Variants in NCKAP5 observed in about 807,000 individuals in gnomAD.
NCKAP5 encodes nck-associated protein 5.
In NCKAP5, 92 loss-of-function variants were observed where a neutral mutation model predicts 167.0. The observed-to-expected ratio is 0.55, with a 90% CI of 0.47 to 0.66. NCKAP5 has a LOEUF of 0.66. NCKAP5 is among the 30% of genes least tolerant of loss of function. The pLI, the probability that NCKAP5 is intolerant of heterozygous loss-of-function variation, is 0.00. For synonymous variants in NCKAP5, 891 were observed against 877.4 expected (o/e 1.02, Z -0.27); for missense variants, 2,378 against 2,315.0 (o/e 1.03, Z -0.56).
chr2:133,086,181 A>G (rs2080984135), intron 6 of NCKAP5, among the ~76,000 whole-genome samples: 1 of 152,190 alleles, frequency 6.6e-6, no homozygotes, highest in Non-Finnish European at 1.5e-5. Flanking sequence ...ACTGAGCTCT[A>G]CTGCATACCA....
intron 2 of NCKAP5, among the ~76,000 whole-genome samples, chr2:133,525,236 AC>A (rs1247074894): frequency 6.6e-6 from 1 of 152,168 alleles, no homozygotes; most frequent in East Asian, 1.9e-4. Context: ...CATGACAACA[AC>A]CCTTTTCTTT....
chr2:133,037,029 T>C (rs749534198), intron 6 of NCKAP5, among the ~76,000 whole-genome samples: 1 of 151,808 alleles, frequency 6.6e-6, no homozygotes, highest in Non-Finnish European at 1.5e-5. Flanking sequence ...CAGTGAACAA[T>C]GTGAAAAAGA....
At chr2:132,694,965 C>T (rs986387888) in intron 19 of NCKAP5, among the ~76,000 whole-genome samples, 2 of 152,156 alleles carry the variant, frequency 1.3e-5, no homozygotes, top group Non-Finnish European at 2.9e-5. Context: ...GATCAAGGCA[C>T]TGGCAGTTTT....
intron 3 of NCKAP5, among the ~76,000 whole-genome samples, chr2:133,421,964 A>T (rs1292996694): frequency 6.6e-6 from 1 of 152,154 alleles, no homozygotes; most frequent in African/African-American, 2.4e-5. Context: ...ATTTCTTTCC[A>T]CATGTACTCA....
At chr2:133,296,772 T>A (rs1280198986) in intron 4 of NCKAP5, among the ~76,000 whole-genome samples, 1 of 152,036 alleles carries the variant, frequency 6.6e-6, no homozygotes, top group South Asian at 2.1e-4. Flanking sequence ...CAGACAAGAG[T>A]CCAAGTCCCC....
At chr2:133,105,799 A>G (rs1390400977) in intron 6 of NCKAP5, among the ~76,000 whole-genome samples, 2 of 152,226 alleles carry the variant, frequency 1.3e-5, no homozygotes, top group African/African-American at 4.8e-5. Context: ...ATCTCTTAAA[A>G]AAATGTTGCT....
At position 133,228,688 on chromosome 2, in the gene NCKAP5, C is replaced by A. The variant is rs116283176; in HGVS notation, c.144-14909G>T. On this transcript the variant is annotated intron_variant, in intron 4 of 19. Transcript: ENST00000409261. Reference sequence around the variant, plus strand: ...CCAGAGAGTACAGTCTTAGGAGGCACACAAACAAATCAGAAAGTATCTTTC... The same window carrying A: ...CCAGAGAGTACAGTCTTAGGAGGCAAACAAACAAATCAGAAAGTATCTTTC... Among the ~76,000 whole-genome samples, 726 of 152,240 alleles carry A rather than the reference C, an allele frequency of 4.8e-3. 4 individuals carry two copies. Among genetic ancestry groups the A allele is most frequent in the African/African-American group, 0.017 (688 of 41,508 alleles).
intron 8 of NCKAP5, among the ~76,000 whole-genome samples, chr2:132,955,110 C>T (rs2076300474): frequency 6.6e-6 from 1 of 152,272 alleles, no homozygotes; most frequent in East Asian, 1.9e-4. Flanking sequence ...TGGCACGTTG[C>T]CTTAATTTCT....
chr2:133,519,336 T>G (rs1022912615), intron 2 of NCKAP5, among the ~76,000 whole-genome samples: 4 of 152,254 alleles, frequency 2.6e-5, no homozygotes, highest in Non-Finnish European at 5.9e-5. Context: ...GTTTTCAATA[T>G]CATTTTCTAA....
chr2:133,254,089 G>GC (rs1348821906), intron 4 of NCKAP5, among the ~76,000 whole-genome samples: 5 of 152,120 alleles, frequency 3.3e-5, no homozygotes, highest in Admixed American at 3.3e-4. Context: ...TCCAAAGATG[G>GC]CCCCCAATGA....
intron 5 of NCKAP5, among the ~76,000 whole-genome samples, chr2:133,154,024 T>C (rs941632705): frequency 3.9e-5 from 6 of 151,948 alleles, no homozygotes; most frequent in African/African-American, 1.5e-4. Context: ...GTATTTTTAG[T>C]AGAGACGGGG....
chr2:133,232,930 A>T (rs955005323), intron 4 of NCKAP5, among the ~76,000 whole-genome samples: 1 of 152,224 alleles, frequency 6.6e-6, no homozygotes, highest in Non-Finnish European at 1.5e-5. Flanking sequence ...ATAGATGAAA[A>T]AGAAATGTTT....
intron 16 of NCKAP5, among the ~76,000 whole-genome samples, chr2:132,768,938 C>T (rs1681774365): frequency 7.1e-6 from 1 of 139,900 alleles, no homozygotes; most frequent in Non-Finnish European, 1.5e-5. Context: ...CACACCTGGC[C>T]CTTTTTTTTT....
intron 3 of NCKAP5, among the ~76,000 whole-genome samples, chr2:133,406,021 C>T (rs1559458706): frequency 6.6e-6 from 1 of 152,202 alleles, no homozygotes; most frequent in African/African-American, 2.4e-5. Flanking sequence ...AATTGAAGAT[C>T]CATTGCTTGT....
intron 2 of NCKAP5, among the ~76,000 whole-genome samples, chr2:133,544,339 GA>G (rs1686476867): frequency 6.6e-6 from 1 of 152,068 alleles, no homozygotes; most frequent in Non-Finnish European, 1.5e-5. Context: ...AAGTAATCAT[GA>G]ATATCTTCTT....
At chr2:132,735,032 C>T (rs1691375931) in intron 16 of NCKAP5, among the ~76,000 whole-genome samples, 1 of 152,258 alleles carries the variant, frequency 6.6e-6, no homozygotes, top group Non-Finnish European at 1.5e-5. Context: ...CTGGAGTCCA[C>T]TGTCAACATG....
chr2:133,129,946 C>T, intron 6 of NCKAP5, 32 bp downstream of exon 6: 3 of 1,564,346 alleles, frequency 1.9e-6, no homozygotes, highest in South Asian at 1.2e-5. Context: ...AGATGCACCT[C>T]AGGAAGCAAT....
At chr2:133,421,042 T>C (rs1416110748) in intron 3 of NCKAP5, among the ~76,000 whole-genome samples, 1 of 152,234 alleles carries the variant, frequency 6.6e-6, no homozygotes, top group Non-Finnish European at 1.5e-5. Flanking sequence ...GCCAGCTGAC[T>C]AAACAGTCTT....
At chr2:132,769,750 G>A (rs1681857147) in intron 16 of NCKAP5, among the ~76,000 whole-genome samples, 1 of 152,214 alleles carries the variant, frequency 6.6e-6, no homozygotes, top group Non-Finnish European at 1.5e-5. Flanking sequence ...AGGATTGGCT[G>A]TATGATTCAT....
Sources: allele counts gnomAD v4.1 joint callset (sites outside exome capture counted in the v4.1 genomes callset), GRCh38; gene constraint gnomAD v4.1.1; transcripts MANE v1.5; gene names NCBI Gene and HGNC (gene_info 2026-07-23, HGNC 2026-07-21).